The following RPTOR variants were observed in gnomAD, a reference collection of about 807,000 sequenced individuals.
RPTOR encodes the protein regulatory associated protein of MTOR complex 1.
RPTOR carries 21 observed loss-of-function variants against 169.9 expected under a neutral mutation model. The observed-to-expected ratio is 0.12, with a 90% CI of 0.09 to 0.18. The LOEUF is 0.18. RPTOR is among the 10% of genes least tolerant of loss of function. RPTOR has a pLI of 1.00. For synonymous variants in RPTOR, 732 were observed against 753.2 expected (o/e 0.97, Z 0.46); for missense variants, 1,133 against 1,855.9 (o/e 0.61, Z 7.16).
chr17:80,824,048 C>T (rs1176558561), intron 9 of RPTOR, among the ~76,000 whole-genome samples: 1 of 152,148 alleles, frequency 6.6e-6, no homozygotes, highest in Non-Finnish European at 1.5e-5. Flanking sequence ...TCTTTTTAAA[C>T]GTGTACAGGA....
intron 2 of RPTOR, among the ~76,000 whole-genome samples, chr17:80,635,119 C>T (rs922805073): frequency 2.0e-5 from 3 of 152,276 alleles, no homozygotes; most frequent in African/African-American, 4.8e-5. Context: ...GTGGTGCCTC[C>T]TCCTGTGTGA....
chr17:80,846,744 G>A (rs990913664), intron 11 of RPTOR, among the ~76,000 whole-genome samples, 170 bp downstream of exon 11: 7 of 152,180 alleles, frequency 4.6e-5, no homozygotes, highest in African/African-American at 1.2e-4. Context: ...TCGGGCAAAC[G>A]GATCACACAG....
intron 3 of RPTOR, among the ~76,000 whole-genome samples, chr17:80,698,145 A>T (rs1368158638): frequency 6.6e-6 from 1 of 152,118 alleles, no homozygotes; most frequent in African/African-American, 2.4e-5. Flanking sequence ...GTGTTGTGAA[A>T]GTAGGAGGGT....
intron 1 of RPTOR, among the ~76,000 whole-genome samples, chr17:80,615,621 A>ATG (rs1185470952): frequency 6.6e-6 from 1 of 152,094 alleles, no homozygotes; most frequent in African/African-American, 2.4e-5. Context: ...TCTGATACCC[A>ATG]CTTAGCAGCA....
At chr17:80,636,893 C>T (rs1362275999) in intron 2 of RPTOR, among the ~76,000 whole-genome samples, 1 of 152,242 alleles carries the variant, frequency 6.6e-6, no homozygotes. Flanking sequence ...GAACACACCT[C>T]ACTGAGCCCC....
chr17:80,870,352 T>G (rs2068038735), intron 13 of RPTOR, among the ~76,000 whole-genome samples: 1 of 152,206 alleles, frequency 6.6e-6, no homozygotes, highest in South Asian at 2.1e-4. Context: ...GAGAGAGTCA[T>G]AGAATTTTGT....
intron 1 of RPTOR, among the ~76,000 whole-genome samples, chr17:80,582,790 C>T (rs1220655560): frequency 4.6e-5 from 7 of 151,926 alleles, no homozygotes; most frequent in African/African-American, 7.3e-5. Flanking sequence ...GTGATCCGCC[C>T]GCCTCAGCCT....
At chr17:80,677,353 T>C (rs992185234) in intron 3 of RPTOR, among the ~76,000 whole-genome samples, 27 of 152,332 alleles carry the variant, frequency 1.8e-4, no homozygotes, top group African/African-American at 6.3e-4. Flanking sequence ...TGGCACTTGC[T>C]CTCCACTCTG....
intron 1 of RPTOR, among the ~76,000 whole-genome samples, chr17:80,559,963 C>T (rs1461623028): frequency 6.6e-6 from 1 of 152,212 alleles, no homozygotes; most frequent in African/African-American, 2.4e-5. Flanking sequence ...CAGCATTAGT[C>T]AGTGTTTTGT....
chr17:80,548,400 A>G (rs1459010074), intron 1 of RPTOR, among the ~76,000 whole-genome samples: 6 of 41,998 alleles, frequency 1.4e-4, no homozygotes, highest in Admixed American at 3.0e-4. Flanking sequence ...TTTTTTTTTG[A>G]GATGGAGTTT....
chr17:80,914,386 C>T (rs1435378611), intron 21 of RPTOR, among the ~76,000 whole-genome samples: 1 of 152,350 alleles, frequency 6.6e-6, no homozygotes, highest in East Asian at 1.9e-4. Context: ...CAGCTGCAGC[C>T]ACCCAGCCGT....
At chr17:80,686,347 T>C (rs2316064) in intron 3 of RPTOR, among the ~76,000 whole-genome samples, 22,863 of 146,824 alleles carry the variant, frequency 0.16, 2,754 homozygotes, top group African/African-American at 0.35. Flanking sequence ...CCACCACGCC[T>C]GGCTAATTTT....
chr17:80,705,370 G>T (rs1293345997), intron 3 of RPTOR, among the ~76,000 whole-genome samples: 1 of 152,214 alleles, frequency 6.6e-6, no homozygotes, highest in Non-Finnish European at 1.5e-5. Flanking sequence ...GTGGCACAGG[G>T]TTGCTAGCCT....
At chr17:80,675,578 C>T (rs750897654) in intron 3 of RPTOR, among the ~76,000 whole-genome samples, 14 of 152,240 alleles carry the variant, frequency 9.2e-5, no homozygotes, top group Non-Finnish European at 1.5e-4. Context: ...CATGCCAGCA[C>T]GGGCCTTGGG....
chr17:80,685,252 G>A (rs957484668), intron 3 of RPTOR, among the ~76,000 whole-genome samples: 4 of 111,772 alleles, frequency 3.6e-5, no homozygotes, highest in Non-Finnish European at 7.1e-5. Context: ...GATGAGAAAT[G>A]CTCTCGGTGT....
At chr17:80,887,698 AAGC>A in intron 17 of RPTOR, among the ~76,000 whole-genome samples, 1 of 152,176 alleles carries the variant, frequency 6.6e-6, no homozygotes, top group South Asian at 2.1e-4. Context: ...TTTTCCATAA[AAGC>A]AACGTGTACT....
intron 13 of RPTOR, 58 bp from the exon 14 acceptor site, chr17:80,880,357 C>A: frequency 7.1e-7 from 1 of 1,418,132 alleles, no homozygotes. Flanking sequence ...CCATGAGAAG[C>A]TTGTGGCATC....
chr17:80,804,215 A>C (rs1428120151), intron 7 of RPTOR: 1 of 152,344 alleles, frequency 6.6e-6, no homozygotes, highest in Non-Finnish European at 1.5e-5. Flanking sequence ...AAGCCTGACT[A>C]GTGGCTCCGT....
chr17:80,552,751 A>G lies in RPTOR; in HGVS notation c.162+6960A>G, dbSNP rs374701337. ...AGTTGAATGGCTTACCTAAAGTTAC[A>G]TAAGTAACATGGCTAGCAGTGAGAG... is the stretch of plus-strand genomic sequence containing the variant. On this transcript the variant is annotated intron_variant, in intron 1 of 33. Transcript: ENST00000306801. Among the ~76,000 whole-genome samples, 6 of 152,272 alleles carry G rather than the reference A, an allele frequency of 3.9e-5. No homozygotes were observed. In the South Asian group the frequency reaches 6.2e-4, roughly 16 times the overall value.
Sources: gnomAD v4.1 joint callset for allele counts (sites outside exome capture counted in the v4.1 genomes callset) on GRCh38, gnomAD v4.1.1 for gene constraint, MANE v1.5 for transcripts, NCBI Gene and HGNC (gene_info 2026-07-23, HGNC 2026-07-21) for gene names.